The following MTHFD2L variants were observed in gnomAD, a reference collection of about 807,000 sequenced individuals.
The protein encoded by MTHFD2L is bifunctional methylenetetrahydrofolate dehydrogenase/cyclohydrolase 2, mitochondrial.
A neutral mutation model predicts 34.9 loss-of-function variants in MTHFD2L; 29 were observed. That is an observed-to-expected ratio of 0.83 (90% confidence interval 0.62 to 1.13). MTHFD2L has a LOEUF of 1.13. MTHFD2L is among the 50% of genes most tolerant of loss of function. MTHFD2L has a pLI of 0.00. For missense variants in MTHFD2L, 481 were observed against 446.5 expected (o/e 1.08, Z -0.70); for synonymous variants, 167 against 155.7 (o/e 1.07, Z -0.54).
intron 3 of MTHFD2L, chr4:74,182,968 C>T (rs919884552): frequency 6.6e-6 from 1 of 152,092 alleles, no homozygotes; most frequent in Non-Finnish European, 1.5e-5. Flanking sequence ...ACTGGGATTT[C>T]AGATTTTTTT....
intron 7 of MTHFD2L, among the ~76,000 whole-genome samples, chr4:74,285,953 G>A (rs1367372571): frequency 4.6e-5 from 7 of 152,146 alleles, no homozygotes; most frequent in Non-Finnish European, 1.0e-4. Context: ...GGAAGGTAAT[G>A]TTTGCTAAGC....
chr4:74,262,538 A>G (rs1744806851), intron 6 of MTHFD2L, among the ~76,000 whole-genome samples: 9 of 152,024 alleles, frequency 5.9e-5, no homozygotes, highest in Admixed American at 5.9e-4. Context: ...GTTTTTAAAA[A>G]TATGGTTGAA....
chr4:74,219,750 G>A (rs1368257125), intron 5 of MTHFD2L, among the ~76,000 whole-genome samples: 7 of 152,034 alleles, frequency 4.6e-5, no homozygotes, highest in Non-Finnish European at 1.0e-4. Context: ...CAGGTCTTCC[G>A]AATAACAGGC....
chr4:74,286,461 A>G (rs1303946245), intron 7 of MTHFD2L, among the ~76,000 whole-genome samples: 1 of 152,196 alleles, frequency 6.6e-6, no homozygotes, highest in Non-Finnish European at 1.5e-5. Context: ...CTTTATTCTC[A>G]AAAGATAGAA....
intron 1 of MTHFD2L, among the ~76,000 whole-genome samples, chr4:74,163,873 T>C (rs556142257): frequency 6.6e-6 from 1 of 152,220 alleles, no homozygotes; most frequent in African/African-American, 2.4e-5. Flanking sequence ...TTTTTTTGTT[T>C]GTTTGTTTTG....
At chr4:74,137,918 A>C (rs1246972980) in intron 1 of MTHFD2L, among the ~76,000 whole-genome samples, 1 of 152,102 alleles carries the variant, frequency 6.6e-6, no homozygotes, top group African/African-American at 2.4e-5. Flanking sequence ...GATATCATGA[A>C]GATACAGATT....
intron 7 of MTHFD2L, among the ~76,000 whole-genome samples, chr4:74,282,278 C>G (rs10938113): frequency 0.035 from 5,273 of 152,004 alleles, 100 homozygotes; most frequent in East Asian, 0.098. Context: ...TCTTAGATGT[C>G]TATGAAGGCA....
intron 6 of MTHFD2L, among the ~76,000 whole-genome samples, chr4:74,234,795 CA>C (rs1430011981): frequency 3.1e-4 from 35 of 113,662 alleles, no homozygotes; most frequent in Non-Finnish European, 4.4e-4. Context: ...GAAAAGGAGA[CA>C]GTGTGTGTGT....
chr4:74,286,919 G>A (rs1230769615), intron 7 of MTHFD2L, among the ~76,000 whole-genome samples: 1 of 152,102 alleles, frequency 6.6e-6, no homozygotes, highest in Non-Finnish European at 1.5e-5. Flanking sequence ...AAATGAAAGA[G>A]ACAGGAAAGA....
chr4:74,148,351 A>T (rs983468898), intron 1 of MTHFD2L, among the ~76,000 whole-genome samples: 41 of 38,646 alleles, frequency 1.1e-3, no homozygotes, highest in Admixed American at 5.6e-3. Flanking sequence ...CACACATTTT[A>T]TTTATTTATT....
intron 6 of MTHFD2L, among the ~76,000 whole-genome samples, chr4:74,259,329 A>T (rs1744404885): frequency 6.6e-6 from 1 of 152,164 alleles, no homozygotes; most frequent in Admixed American, 6.6e-5. Context: ...CAAGTCAATC[A>T]TGTTGGGTCT....
rs147793333 is a variant in MTHFD2L, at chr4:74,286,710, C to G, written c.931+5160C>G. On this transcript the variant is annotated intron_variant, in intron 7 of 7. Transcript: ENST00000325278. Reference sequence around the variant, plus strand: ...AGCTAACGCAAAGACATTTCTCTACCCTTTTGAAGCTTTAGTAGCTTTGCT... The same window carrying G: ...AGCTAACGCAAAGACATTTCTCTACGCTTTTGAAGCTTTAGTAGCTTTGCT... Among the ~76,000 whole-genome samples the G allele has an allele frequency of 3.7e-4, 56 of 152,240 alleles. 1 individual carries two copies. Among genetic ancestry groups the G allele is most frequent in the African/African-American group, 4.8e-4 (20 of 41,534 alleles).
upstream of MTHFD2L, among the ~76,000 whole-genome samples, chr4:74,124,234 C>A (rs11947086): frequency 6.6e-6 from 1 of 151,480 alleles, no homozygotes; most frequent in Non-Finnish European, 1.5e-5. Context: ...TTTTAGCATG[C>A]GTTTTCTGTA....
intron 6 of MTHFD2L, chr4:74,267,691 T>G: frequency 1.0e-6 from 1 of 984,928 alleles, no homozygotes; most frequent in Admixed American, 6.1e-5. Flanking sequence ...CACCTTGGCC[T>G]CTTAAAGTTC....
At chr4:74,149,685 T>C (rs552177583) in intron 1 of MTHFD2L, among the ~76,000 whole-genome samples, 102 of 152,348 alleles carry the variant, frequency 6.7e-4, no homozygotes, top group Non-Finnish European at 1.2e-3. Flanking sequence ...CTAGATTTAT[T>C]CATTGATATC....
At chr4:74,218,149 T>G (rs1383197728) in intron 5 of MTHFD2L, among the ~76,000 whole-genome samples, 1 of 152,094 alleles carries the variant, frequency 6.6e-6, no homozygotes, top group Non-Finnish European at 1.5e-5. Flanking sequence ...TTTTTTTTAG[T>G]CATGATTTTT....
upstream of MTHFD2L, among the ~76,000 whole-genome samples, chr4:74,118,455 T>TTCATTAAGTA (rs1189072231): frequency 6.6e-6 from 1 of 152,184 alleles, no homozygotes; most frequent in Non-Finnish European, 1.5e-5. Flanking sequence ...GCAAAGGCAT[T>TTCATTAAGTA]TCATTAAGTA....
intron 7 of MTHFD2L, among the ~76,000 whole-genome samples, chr4:74,282,902 T>C (rs961229551): frequency 2.6e-5 from 4 of 152,164 alleles, no homozygotes; most frequent in African/African-American, 9.6e-5. Flanking sequence ...TGACCTCATT[T>C]ATTTATTTAA....
chr4:74,197,384 C>T lies in MTHFD2L; in HGVS notation c.452-2410C>T, dbSNP rs149305749. ...CATATAACAAAAGGAAGTAGGATTACCTGTAATCCTAAATGTAAAATGTTT... is the reference window on the plus strand; with the variant it reads ...CATATAACAAAAGGAAGTAGGATTATCTGTAATCCTAAATGTAAAATGTTT... On this transcript the variant is annotated intron_variant, in intron 3 of 7. Coordinates refer to ENST00000325278, the MANE Select transcript of MTHFD2L (RefSeq NM_001144978.3). Among the ~76,000 whole-genome samples, 1,146 of 152,142 alleles carry T rather than the reference C, an allele frequency of 7.5e-3. 10 individuals carry two copies. The highest frequency in any genetic ancestry group is 0.026 in the African/African-American group (1,085 of 41,504).
Sources: allele counts gnomAD v4.1 joint callset (sites outside exome capture counted in the v4.1 genomes callset), GRCh38; gene constraint gnomAD v4.1.1; transcripts MANE v1.5; gene names NCBI Gene and HGNC (gene_info 2026-07-23, HGNC 2026-07-21).